RABEP1: variants seen among roughly 807,000 people sequenced by gnomAD.
The protein encoded by RABEP1 is rab GTPase-binding effector protein 1.
Under a neutral mutation model 123.4 loss-of-function variants are expected in RABEP1, and 51 were observed. The ratio of observed to expected loss-of-function variants is 0.41; its 90% confidence interval spans 0.33 to 0.52. The LOEUF (loss-of-function observed/expected upper bound fraction) is 0.52, where lower values mean the gene tolerates loss of function less well. Ranked by LOEUF, RABEP1 falls within the 20% of genes least tolerant of loss-of-function variation. The probability of loss-of-function intolerance (pLI) is 0.16; values close to 1 mark genes in which losing one functional copy is unlikely to be tolerated. For missense variants in RABEP1, 888 were observed against 996.3 expected, an observed-to-expected ratio of 0.89 and a Z score of 1.46; for synonymous variants, 347 against 355.2, an observed-to-expected ratio of 0.98 and a Z score of 0.26.
chr17:5,333,267 A>AT lies in RABEP1; in HGVS notation c.367+1117dup, dbSNP rs1024963901. ...AACCTCCGCCTTCCAGGTTCAAGCG[A>AT]TTCTCCTGCCTCAGTCTCTCAAGTA... is the stretch of plus-strand genomic sequence containing the variant. On this transcript the variant is annotated intron_variant, in intron 3 of 17. Coordinates refer to ENST00000537505, the MANE Select transcript of RABEP1 (RefSeq NM_004703.6). Among the ~76,000 whole-genome samples the AT allele has an allele frequency of 2.6e-5, 4 of 152,128 alleles. No homozygotes were observed. In the East Asian group the frequency reaches 5.8e-4, roughly 22 times the overall value.
chr17:5,337,841 C>T (rs1288753714), intron 4 of RABEP1, among the ~76,000 whole-genome samples, 178 bp from the exon 5 acceptor site: 3 of 152,052 alleles, frequency 2.0e-5, no homozygotes, highest in African/African-American at 4.8e-5. Context: ...TCAGTTATAC[C>T]TTGACATTCA....
intron 12 of RABEP1, among the ~76,000 whole-genome samples, chr17:5,370,400 G>T (rs1172611683): frequency 3.9e-5 from 6 of 152,176 alleles, no homozygotes; most frequent in Admixed American, 3.9e-4. Context: ...GTCCCAGTAA[G>T]TCCTTGATTA....
chr17:5,323,993 T>C (rs1479638036), intron 2 of RABEP1, among the ~76,000 whole-genome samples: 2 of 151,598 alleles, frequency 1.3e-5, no homozygotes, highest in Admixed American at 6.6e-5. Flanking sequence ...AGAATTAATA[T>C]TGTTGAAATG....
At chr17:5,336,167 T>C (rs1319159001) in intron 4 of RABEP1, among the ~76,000 whole-genome samples, 1 of 152,246 alleles carries the variant, frequency 6.6e-6, no homozygotes, top group Non-Finnish European at 1.5e-5. Flanking sequence ...AAATAATTAG[T>C]AATTGATTTT....
At chr17:5,379,269 G>A (rs910029222) in intron 15 of RABEP1, among the ~76,000 whole-genome samples, 2 of 152,152 alleles carry the variant, frequency 1.3e-5, no homozygotes, top group Non-Finnish European at 1.5e-5. Context: ...TTTCTTCAGA[G>A]AATATCATGA....
chr17:5,338,040 C>T lies in RABEP1; in HGVS notation c.550C>T (p.Leu184Phe). 3 of 1,613,100 alleles carry T rather than the reference C, an allele frequency of 1.9e-6. No individual in the cohort carries two copies. In the South Asian group the frequency reaches 3.3e-5, roughly 18 times the overall value. ...MKKAQEDAEK[L>F]RSVVMPMEKE... The stretch of plus-strand genomic sequence containing the variant: ...ATAGGCCCAAGAGGATGCTGAGAAA[C>T]TTCGGTCCGTTGTGATGCCAATGGA... The change falls in exon 5 of 18, where the codon CTT (leucine) becomes TTT (phenylalanine). Residue 184 changes from leucine (L) to phenylalanine (F), a missense_variant. Physicochemically the swap from Leu to Phe is conservative, Grantham distance 22. Coordinates refer to ENST00000537505, the MANE Select transcript of RABEP1 (RefSeq NM_004703.6).
intron 1 of RABEP1, among the ~76,000 whole-genome samples, chr17:5,290,686 G>A (rs988847306): frequency 2.0e-5 from 3 of 152,098 alleles, no homozygotes; most frequent in South Asian, 2.1e-4. Flanking sequence ...TTGGCCTCCC[G>A]GGTTCAAGTG....
chr17:5,378,333 C>A, intron 15 of RABEP1, 101 bp downstream of exon 15: 1 of 1,182,772 alleles, frequency 8.5e-7, no homozygotes, highest in Non-Finnish European at 1.3e-6. Flanking sequence ...AAGGCATGGG[C>A]CCTGCCTTAA....
intron 2 of RABEP1, among the ~76,000 whole-genome samples, chr17:5,314,335 C>A (rs1463545787): frequency 6.9e-6 from 1 of 144,704 alleles, no homozygotes; most frequent in African/African-American, 2.6e-5. Flanking sequence ...CTCCGCCTCC[C>A]AGGTTCAAGT....
At chr17:5,301,809 A>ATT in intron 1 of RABEP1, among the ~76,000 whole-genome samples, 1 of 152,282 alleles carries the variant, frequency 6.6e-6, no homozygotes, top group East Asian at 1.9e-4. Context: ...CCATGGTTAA[A>ATT]ACTGCACTAG....
intron 1 of RABEP1, among the ~76,000 whole-genome samples, chr17:5,291,410 TAAA>T (rs71370060): frequency 6.6e-6 from 1 of 152,020 alleles, no homozygotes; most frequent in African/African-American, 2.4e-5. Flanking sequence ...AGACTCCGTT[TAAA>T]AAAAAGAAAA....
rs980574479 is a variant in RABEP1, at chr17:5,383,945, T to A, written c.*722T>A. 2.7e-5 allele frequency: 6 copies of A among 219,214 alleles called. No homozygotes were observed. Among genetic ancestry groups the A allele is most frequent in the Non-Finnish European group, 4.5e-5 (5 of 110,548 alleles). The allele number at this position is 219,214 out of a possible 1,614,324, so 13.6% of individuals were successfully genotyped here. ...CACAAGAAACTTTGGAAGCACTTTT[T>A]CTGCATACTTAGATGATCTTCATGG... On this transcript the variant is annotated 3_prime_UTR_variant, in exon 18 of 18. Transcript: ENST00000537505.
At chr17:5,326,242 G>T (rs963719751) in intron 2 of RABEP1, among the ~76,000 whole-genome samples, 2 of 152,220 alleles carry the variant, frequency 1.3e-5, no homozygotes, top group Non-Finnish European at 2.9e-5. Context: ...AAGCATGGAA[G>T]ATGTCCTTCA....
intron 15 of RABEP1, chr17:5,378,584 T>C: frequency 3.1e-6 from 1 of 319,774 alleles, no homozygotes; most frequent in South Asian, 2.9e-5. Context: ...ATTTTCTAGC[T>C]GGCTTAGTCC....
chr17:5,342,049 T>TAC (rs1907662497), intron 5 of RABEP1, among the ~76,000 whole-genome samples: 1 of 152,178 alleles, frequency 6.6e-6, no homozygotes. Flanking sequence ...ATTGTCTGTA[T>TAC]AAAGAAACCA....
At chr17:5,282,642 G>GCCC in intron 1 of RABEP1, 122 bp downstream of exon 1, 3 of 589,980 alleles carry the variant, frequency 5.1e-6, no homozygotes, top group Non-Finnish European at 6.4e-6. Flanking sequence ...TGACCCCGCC[G>GCCC]GGCGGAGGCG....
intron 1 of RABEP1, among the ~76,000 whole-genome samples, chr17:5,298,900 C>T (rs1473395015): frequency 6.6e-6 from 1 of 152,138 alleles, no homozygotes; most frequent in Non-Finnish European, 1.5e-5. Context: ...CGTGATCCGC[C>T]CGCCTCAGCC....
At chr17:5,360,459 G>C (rs2144672827) in intron 8 of RABEP1, among the ~76,000 whole-genome samples, 1 of 152,386 alleles carries the variant, frequency 6.6e-6, no homozygotes, top group South Asian at 2.1e-4. Context: ...CTACTTGGGA[G>C]GCTGAGGCAG....
chr17:5,325,376 AG>A (rs1484615526), intron 2 of RABEP1, among the ~76,000 whole-genome samples: 1 of 152,148 alleles, frequency 6.6e-6, no homozygotes, highest in Non-Finnish European at 1.5e-5. Flanking sequence ...TGTCATTTGC[AG>A]CAACATGGAT....
Sources: allele counts gnomAD v4.1 joint callset (sites outside exome capture counted in the v4.1 genomes callset), GRCh38; gene constraint gnomAD v4.1.1; transcripts MANE v1.5; gene names NCBI Gene and HGNC (gene_info 2026-07-23, HGNC 2026-07-21).